Variants in ARHGAP24 observed in about 807,000 individuals in gnomAD.
The protein encoded by ARHGAP24 is Rho GTPase activating protein 24.
ARHGAP24 carries 50 observed loss-of-function variants against 76.4 expected under a neutral mutation model. That is an observed-to-expected ratio of 0.65 (90% confidence interval 0.52 to 0.83). The LOEUF (loss-of-function observed/expected upper bound fraction) is 0.83, where lower values mean the gene tolerates loss of function less well. ARHGAP24 is among the 40% of genes least tolerant of loss of function. The pLI is 0.00. For missense variants in ARHGAP24, 930 were observed against 914.2 expected (o/e 1.02, Z -0.22); for synonymous variants, 345 against 323.3 (o/e 1.07, Z -0.72).
chr4:85,713,179 T>G (rs983751082), intron 2 of ARHGAP24, among the ~76,000 whole-genome samples: 1 of 151,934 alleles, frequency 6.6e-6, no homozygotes, highest in Non-Finnish European at 1.5e-5. Context: ...GCACCTGGAG[T>G]CCCTGGAGTC....
At chr4:85,897,458 TA>T (rs1734242142) in intron 3 of ARHGAP24, among the ~76,000 whole-genome samples, 1 of 152,238 alleles carries the variant, frequency 6.6e-6, no homozygotes, top group South Asian at 2.1e-4. Flanking sequence ...GTTAAGGCAT[TA>T]TTTATTATTG....
intron 5 of ARHGAP24, among the ~76,000 whole-genome samples, chr4:85,970,012 A>G (rs947608189): frequency 1.3e-5 from 2 of 152,226 alleles, no homozygotes; most frequent in African/African-American, 4.8e-5. Flanking sequence ...GCCCTTTCAG[A>G]TAACTTCCAT....
At chr4:85,747,278 G>A (rs1726077177) in intron 3 of ARHGAP24, among the ~76,000 whole-genome samples, 2 of 152,028 alleles carry the variant, frequency 1.3e-5, no homozygotes, top group Non-Finnish European at 1.5e-5. Context: ...AAAGTATCTT[G>A]TATAGCTTTT....
intron 3 of ARHGAP24, among the ~76,000 whole-genome samples, chr4:85,870,203 C>T (rs940505570): frequency 2.6e-5 from 4 of 152,068 alleles, no homozygotes; most frequent in Non-Finnish European, 5.9e-5. Flanking sequence ...TTATCATATA[C>T]TATATATAAT....
intron 5 of ARHGAP24, among the ~76,000 whole-genome samples, chr4:85,950,036 G>T (rs564185607): frequency 6.6e-6 from 1 of 152,066 alleles, no homozygotes; most frequent in Non-Finnish European, 1.5e-5. Context: ...GGAGATACCC[G>T]TCTCCTTCTT....
At chr4:85,937,121 G>A (rs1317808774) in intron 4 of ARHGAP24, among the ~76,000 whole-genome samples, 1 of 152,182 alleles carries the variant, frequency 6.6e-6, no homozygotes, top group African/African-American at 2.4e-5. Context: ...GTCCACCATG[G>A]CAGCACTTGG....
intron 3 of ARHGAP24, among the ~76,000 whole-genome samples, chr4:85,735,461 T>C (rs1250100193): frequency 1.3e-5 from 2 of 152,212 alleles, no homozygotes; most frequent in Non-Finnish European, 2.9e-5. Context: ...ATCCATTGAT[T>C]ACATTTTAAT....
intron 1 of ARHGAP24, among the ~76,000 whole-genome samples, chr4:85,481,052 A>G (rs920225626): frequency 2.0e-5 from 3 of 152,124 alleles, no homozygotes; most frequent in African/African-American, 7.2e-5. Context: ...CTCTCCTTGA[A>G]TCTAAGACTC....
At chr4:85,902,634 C>T (rs1734565231) in intron 3 of ARHGAP24, among the ~76,000 whole-genome samples, 1 of 152,150 alleles carries the variant, frequency 6.6e-6, no homozygotes, top group African/African-American at 2.4e-5. Context: ...ACCGGAGTCT[C>T]ACTCTGTTGC....
At chr4:85,722,793 G>A (rs139491915) in intron 3 of ARHGAP24, among the ~76,000 whole-genome samples, 1 of 152,198 alleles carries the variant, frequency 6.6e-6, no homozygotes, top group African/African-American at 2.4e-5. Flanking sequence ...TTTGATCACA[G>A]TCTAGGGTGG....
At chr4:85,874,747 G>T (rs1444672305) in intron 3 of ARHGAP24, among the ~76,000 whole-genome samples, 1 of 137,264 alleles carries the variant, frequency 7.3e-6, no homozygotes, top group African/African-American at 2.7e-5. Context: ...AACTTAAATG[G>T]AATATATATT....
At chr4:85,550,045 A>G (rs1216032506) in intron 1 of ARHGAP24, among the ~76,000 whole-genome samples, 1 of 152,220 alleles carries the variant, frequency 6.6e-6, no homozygotes, top group African/African-American at 2.4e-5. Context: ...GCTATTGTGA[A>G]TAGTACAGTG....
At chr4:85,952,125 G>T (rs142232179) in intron 5 of ARHGAP24, among the ~76,000 whole-genome samples, 1 of 152,210 alleles carries the variant, frequency 6.6e-6, no homozygotes, top group African/African-American at 2.4e-5. Context: ...ATACATAGCA[G>T]ATAAATAAAT....
intron 1 of ARHGAP24, among the ~76,000 whole-genome samples, chr4:85,541,422 G>A (rs1050681305): frequency 4.1e-5 from 5 of 120,866 alleles, no homozygotes; most frequent in Admixed American, 3.7e-4. Context: ...CAAAGTGCTG[G>A]GATTACAGGC....
At chr4:85,655,820 G>GAGAGAA (rs1553920529) in intron 2 of ARHGAP24, among the ~76,000 whole-genome samples, 33 of 104,370 alleles carry the variant, frequency 3.2e-4, no homozygotes, top group African/African-American at 1.0e-3. Context: ...GAGAGAGAAA[G>GAGAGAA]AGAGAGAGAG....
chr4:85,779,080 C>T lies in ARHGAP24; in HGVS notation c.268+57108C>T, dbSNP rs183786930. On this transcript the variant is annotated intron_variant, in intron 3 of 9. Transcript: ENST00000395184. ...CACCTCTATTTTGAGAGAAAATATA[C>T]CCTTGAAAATATTTTAGCTTTTTAA... is the stretch of plus-strand genomic sequence containing the variant. 5.2e-5 allele frequency: 37 copies of T among 707,248 alleles called. 1 individual carries two copies. In the African/African-American group the frequency reaches 6.8e-4, roughly 13 times the overall value. The allele number at this position is 707,248 out of a possible 1,614,324, so 43.8% of individuals were successfully genotyped here.
At chr4:85,525,427 G>C (rs577119495) in intron 1 of ARHGAP24, among the ~76,000 whole-genome samples, 1 of 151,198 alleles carries the variant, frequency 6.6e-6, no homozygotes, top group South Asian at 2.1e-4. Flanking sequence ...AAAACTAGGA[G>C]AGTTTAAACC....
At chr4:85,627,878 G>GGACCCTCCGAGCCAT (rs1560559883) in intron 2 of ARHGAP24, among the ~76,000 whole-genome samples, 7 of 152,134 alleles carry the variant, frequency 4.6e-5, no homozygotes, top group African/African-American at 1.7e-4. Context: ...CTCCGAGCCA[G>GGACCCTCCGAGCCAT]GTGCGGGATA....
At chr4:85,618,719 C>G (rs187198463) in intron 2 of ARHGAP24, among the ~76,000 whole-genome samples, 1 of 152,222 alleles carries the variant, frequency 6.6e-6, no homozygotes. Context: ...TTGCACTTCC[C>G]TGATGACAAG....
Sources: gnomAD v4.1 joint callset for allele counts (sites outside exome capture counted in the v4.1 genomes callset) on GRCh38, gnomAD v4.1.1 for gene constraint, MANE v1.5 for transcripts, NCBI Gene and HGNC (gene_info 2026-07-23, HGNC 2026-07-21) for gene names.